CNNM1: variants seen among roughly 807,000 people sequenced by gnomAD.
The protein encoded by CNNM1 is metal transporter CNNM1.
A neutral mutation model predicts 78.8 loss-of-function variants in CNNM1; 44 were observed. The observed-to-expected ratio is 0.56, with a 90% CI of 0.44 to 0.72. The LOEUF (loss-of-function observed/expected upper bound fraction) is 0.72. CNNM1 is among the 30% of genes least tolerant of loss of function. The probability of loss-of-function intolerance (pLI) is 0.00; values close to 1 mark genes in which losing one functional copy is unlikely to be tolerated. For missense variants in CNNM1, 1,101 were observed against 1,292.2 expected (o/e 0.85, Z 2.27); for synonymous variants, 584 against 581.5 (o/e 1.00, Z -0.06).
chr10:99,373,593 G>A (rs2031872689), intron 6 of CNNM1, among the ~76,000 whole-genome samples: 1 of 151,950 alleles, frequency 6.6e-6, no homozygotes. Context: ...AGATTTAGGG[G>A]GTACAAGTGC....
chr10:99,362,145 C>G (rs925417611), intron 3 of CNNM1, 82 bp from the exon 4 acceptor site: 1 of 1,361,428 alleles, frequency 7.3e-7, no homozygotes, highest in African/African-American at 1.5e-5. Flanking sequence ...TGTGCCCACT[C>G]TGACTCCTCC....
intron 1 of CNNM1, among the ~76,000 whole-genome samples, chr10:99,343,160 A>G (rs547122078): frequency 1.4e-4 from 21 of 152,044 alleles, no homozygotes; most frequent in Admixed American, 9.2e-4. Context: ...ATGGGGTTTC[A>G]CCATGTTGGC....
At position 99,372,960 on chromosome 10, in the gene CNNM1, T is replaced by TA. The variant is rs201246175; in HGVS notation, c.2177-4095_2177-4094insA. 9.5e-3 allele frequency among the ~76,000 whole-genome samples: 1,434 copies of TA among 151,708 alleles called. 26 individuals carry two copies. Among genetic ancestry groups the TA allele is most frequent in the African/African-American group, 0.033 (1,372 of 41,118 alleles). On this transcript the variant is annotated intron_variant, in intron 6 of 10. Coordinates refer to ENST00000356713, the MANE Select transcript of CNNM1 (RefSeq NM_020348.3). The stretch of plus-strand genomic sequence containing the variant: ...AACTTTCAATAACATTGTTTTTACT[T>TA]TAAAAAAAAAGACATGTTTTTCCTC...
intron 1 of CNNM1, among the ~76,000 whole-genome samples, chr10:99,331,295 C>T (rs2029898527): frequency 6.6e-6 from 1 of 152,166 alleles, no homozygotes; most frequent in Non-Finnish European, 1.5e-5. Flanking sequence ...TGCATAGCTC[C>T]CCACCTATTA....
chr10:99,345,998 C>G (rs1384587442), intron 1 of CNNM1, among the ~76,000 whole-genome samples: 1 of 151,968 alleles, frequency 6.6e-6, no homozygotes. Flanking sequence ...TCTGCATTGC[C>G]TCTGGACCAG....
chr10:99,380,345 A>G (rs2032102337), intron 7 of CNNM1, among the ~76,000 whole-genome samples: 1 of 152,176 alleles, frequency 6.6e-6, no homozygotes, highest in Admixed American at 6.5e-5. Context: ...GGAGTAGAAA[A>G]GTGAAGGAGA....
intron 1 of CNNM1, among the ~76,000 whole-genome samples, chr10:99,353,556 GC>G (rs758139032): frequency 5.3e-5 from 8 of 152,218 alleles, no homozygotes; most frequent in Non-Finnish European, 8.8e-5. Flanking sequence ...CACCTCTAGG[GC>G]CCAGGAAGGG....
chr10:99,340,456 TC>T (rs2030390043), intron 1 of CNNM1, among the ~76,000 whole-genome samples: 2 of 152,340 alleles, frequency 1.3e-5, no homozygotes, highest in Admixed American at 1.3e-4. Flanking sequence ...TTGAAGAATA[TC>T]ATAGCTCATC....
rs911942815 is a variant in CNNM1 at position 99,391,569 on chromosome 10, G to T, written c.*53G>T. On this transcript the variant is annotated 3_prime_UTR_variant, in exon 11 of 11. Coordinates refer to ENST00000356713, the MANE Select transcript of CNNM1 (RefSeq NM_020348.3). ...TGTGAAATTCCAGAGCTTTGGGGGAGAATCCACCCTCCCATCATCTGCTTC... is the reference window on the plus strand; with the variant it reads ...TGTGAAATTCCAGAGCTTTGGGGGATAATCCACCCTCCCATCATCTGCTTC... 3.4e-6 allele frequency: 5 copies of T among 1,472,582 alleles called. No homozygotes were observed. In the African/African-American group the frequency reaches 5.6e-5, roughly 16 times the overall value. The allele number at this position is 1,472,582 out of a possible 1,614,324, so 91.2% of individuals were successfully genotyped here.
rs530270399 is a variant in CNNM1 at position 99,387,826 on chromosome 10, C to T, written c.2347C>T (p.Arg783Trp). The change falls in exon 8 of 11, where the codon CGG (arginine) becomes TGG (tryptophan). Residue 783 changes from arginine (R) to tryptophan (W), a missense_variant. Physicochemically the swap from Arg to Trp is moderately radical, Grantham distance 101. Around this residue, in one of 3 missense-constraint regions of CNNM1, gnomAD observed 348 missense variants for 384.5 expected, o/e 0.90. Transcript: ENST00000356713. ...LSDVQFVKITRQQYQNALTAC... is the reference protein window; with the variant it reads ...LSDVQFVKITWQQYQNALTAC... Reference sequence around the variant, plus strand: ...CCTGCCCTCTTCCTTCCAGATCACACGGCAGCAATATCAGAACGCACTCAC... The same window carrying T: ...CCTGCCCTCTTCCTTCCAGATCACATGGCAGCAATATCAGAACGCACTCAC... The T allele has an allele frequency of 2.3e-5, 37 of 1,597,584 alleles. No homozygotes were observed. Among genetic ancestry groups the T allele is most frequent in the East Asian group, 1.3e-4 (6 of 44,738 alleles).
At chr10:99,360,547 T>C (rs965066261) in intron 2 of CNNM1, among the ~76,000 whole-genome samples, 2 of 152,162 alleles carry the variant, frequency 1.3e-5, no homozygotes, top group Non-Finnish European at 2.9e-5. Context: ...CTTAGAGAGA[T>C]TACATGGTAA....
intron 6 of CNNM1, chr10:99,365,260 G>T: frequency 1.7e-6 from 1 of 590,122 alleles, no homozygotes; most frequent in Non-Finnish European, 3.1e-6. Flanking sequence ...TGTGAGGGAA[G>T]GCACTGCTTA....
intron 4 of CNNM1, 32 bp from the exon 5 acceptor site, chr10:99,364,385 T>C: frequency 1.3e-6 from 2 of 1,535,530 alleles, no homozygotes; most frequent in Non-Finnish European, 1.8e-6. Flanking sequence ...CTCATACACA[T>C]TCATAGTACA....
At chr10:99,358,758 TC>T (rs2031319074) in intron 2 of CNNM1, among the ~76,000 whole-genome samples, 1 of 151,658 alleles carries the variant, frequency 6.6e-6, no homozygotes, top group Non-Finnish European at 1.5e-5. Context: ...GTCCTCTCCC[TC>T]CCCCACCTCT....
At chr10:99,347,701 C>A (rs1460663328) in intron 1 of CNNM1, among the ~76,000 whole-genome samples, 1 of 151,816 alleles carries the variant, frequency 6.6e-6, no homozygotes, top group African/African-American at 2.4e-5. Flanking sequence ...TACCCCTCAA[C>A]TCCCTGACCT....
At chr10:99,342,507 A>G (rs949262504) in intron 1 of CNNM1, among the ~76,000 whole-genome samples, 4 of 152,344 alleles carry the variant, frequency 2.6e-5, no homozygotes, top group Middle Eastern at 3.4e-3. Flanking sequence ...TTCTGATAAA[A>G]TAGAGCAGGA....
chr10:99,338,481 G>A (rs1444875711), intron 1 of CNNM1, among the ~76,000 whole-genome samples: 1 of 152,012 alleles, frequency 6.6e-6, no homozygotes, highest in Admixed American at 6.6e-5. Flanking sequence ...GTTTCACCGT[G>A]TTGCCCGGGG....
At chr10:99,356,454 G>A (rs1418961811) in intron 1 of CNNM1, among the ~76,000 whole-genome samples, 3 of 149,728 alleles carry the variant, frequency 2.0e-5, no homozygotes, top group Non-Finnish European at 3.0e-5. Flanking sequence ...CCAGCCTGGC[G>A]ACAGAGAGAG....
At chr10:99,355,830 G>A (rs189160064) in intron 1 of CNNM1, among the ~76,000 whole-genome samples, 4 of 152,266 alleles carry the variant, frequency 2.6e-5, no homozygotes, top group Non-Finnish European at 4.4e-5. Flanking sequence ...GAGTTCTCTG[G>A]CACATAGTAA....
Sources: allele counts gnomAD v4.1 joint callset (sites outside exome capture counted in the v4.1 genomes callset), GRCh38; gene constraint gnomAD v4.1.1; regional missense constraint gnomAD v4.1.1; transcripts MANE v1.5; gene names NCBI Gene and HGNC (gene_info 2026-07-23, HGNC 2026-07-21).